KIF7: variants seen among roughly 807,000 people sequenced by gnomAD.
The protein encoded by KIF7 is kinesin-like protein KIF7.
Under a neutral mutation model 135.7 loss-of-function variants are expected in KIF7, and 104 were observed. That is an observed-to-expected ratio of 0.77 (90% confidence interval 0.65 to 0.90). KIF7 has a LOEUF of 0.90. Among genes scored for constraint, KIF7 ranks in the 40% least tolerant of loss-of-function variants. The pLI, the probability that KIF7 is intolerant of heterozygous loss-of-function variation, is 0.00. For missense variants in KIF7, 2,005 were observed against 1,839.1 expected (o/e 1.09, Z -1.65); for synonymous variants, 883 against 809.4 (o/e 1.09, Z -1.54).
At chr15:89,625,419 C>T (rs766875741), downstream of KIF7, 11 of 1,613,842 alleles carry the variant, frequency 6.8e-6, no homozygotes, top group East Asian at 2.2e-5. Context: ...CCGGGAGGGG[C>T]GAGGTCGGTG....
At chr15:89,660,657 G>T in the KIF7 span, among the ~76,000 whole-genome samples, 1 of 152,210 alleles carries the variant, frequency 6.6e-6, no homozygotes, top group East Asian at 1.9e-4. Flanking sequence ...ACAGGAGACA[G>T]AAATAAACTC....
At position 89,652,787 on chromosome 15, in the gene KIF7, A is replaced by G; in HGVS notation, c.144T>C (p.Thr48=). The G allele has an allele frequency of 6.4e-7, 1 of 1,551,438 alleles. No homozygotes were observed. The highest frequency in any genetic ancestry group is 8.7e-7 in the Non-Finnish European group (1 of 1,146,940). ...LQVEPGLGRV[T]LGRDRHFGFH... ...AGCCAAAGTGTCGGTCACGGCCCAG[A>G]GTGACGCGGCCAAGCCCTGGCTCCA... Residue 48 remains threonine, a synonymous_variant, in exon 2 of 19, where the codon ACT becomes ACC. Transcript: ENST00000394412.
intron 11 of KIF7, among the ~76,000 whole-genome samples, chr15:89,636,831 A>C (rs1242586450): frequency 6.7e-6 from 1 of 149,058 alleles, no homozygotes; most frequent in African/African-American, 2.5e-5. Context: ...AAGCGGACCT[A>C]ATAGACACCT....
intron 1 of KIF7, among the ~76,000 whole-genome samples, chr15:89,618,943 G>A (rs955940300): frequency 1.3e-5 from 2 of 152,188 alleles, no homozygotes; most frequent in African/African-American, 4.8e-5. Context: ...TAGCGACAGA[G>A]CAAGACCATG....
At chr15:89,623,072 A>T (rs1963452540), downstream of KIF7, among the ~76,000 whole-genome samples, 1 of 152,216 alleles carries the variant, frequency 6.6e-6, no homozygotes, top group East Asian at 1.9e-4. Flanking sequence ...GCTTTTCACT[A>T]CGTATTTTTG....
chr15:89,617,689 CTT>C (rs35732953), intron 2 of KIF7, among the ~76,000 whole-genome samples: 1,210 of 98,728 alleles, frequency 0.012, 6 homozygotes, highest in African/African-American at 0.022. Flanking sequence ...ACCCAGCTAT[CTT>C]TTTTTTTTTT....
At chr15:89,644,062 G>A (rs971607582) in intron 10 of KIF7, among the ~76,000 whole-genome samples, 1 of 152,066 alleles carries the variant, frequency 6.6e-6, no homozygotes, top group African/African-American at 2.4e-5. Flanking sequence ...AAAAGGGAGA[G>A]GAGGTAAAAC....
At chr15:89,642,450 G>C in intron 10 of KIF7, 45 bp from the exon 11 acceptor site, 1 of 1,501,412 alleles carries the variant, frequency 6.7e-7, no homozygotes, top group Non-Finnish European at 9.0e-7. Flanking sequence ...CTGCTCCACC[G>C]AGAGGGCCAG....
intron 1 of KIF7, chr15:89,618,269 C>G: frequency 6.7e-7 from 1 of 1,486,180 alleles, no homozygotes; most frequent in Non-Finnish European, 9.4e-7. Context: ...GAAAACCTTT[C>G]TGTATGTATT....
intron 11 of KIF7, among the ~76,000 whole-genome samples, chr15:89,638,001 C>G (rs1169146840): frequency 8.4e-6 from 1 of 119,252 alleles, no homozygotes; most frequent in South Asian, 2.9e-4. Flanking sequence ...CCCTGGGATG[C>G]AAGGCTGGTT....
intron 6 of KIF7, 61 bp downstream of exon 6, chr15:89,647,535 T>G: frequency 6.9e-7 from 1 of 1,448,510 alleles, no homozygotes; most frequent in South Asian, 1.1e-5. Context: ...GAAACTCAGC[T>G]CTGCCTTCCC....
downstream of KIF7, chr15:89,624,771 G>C (rs1287213451): frequency 1.2e-6 from 2 of 1,614,096 alleles, no homozygotes; most frequent in Admixed American, 3.3e-5. Flanking sequence ...CAGTGGAAGA[G>C]GGTGAGGGGC....
chr15:89,635,011 T>C lies in KIF7; in HGVS notation c.2395-1128A>G, dbSNP rs966708571. On this transcript the variant is annotated intron_variant, in intron 11 of 18. Transcript: ENST00000394412. ...AGGCAGACTGCCTCCTCAAGTGGGTTCCTGACCCCTGACCTCCGAGCAGCC... is the reference window on the plus strand; with the variant it reads ...AGGCAGACTGCCTCCTCAAGTGGGTCCCTGACCCCTGACCTCCGAGCAGCC... 2.2e-4 allele frequency among the ~76,000 whole-genome samples: 33 copies of C among 152,334 alleles called. No individual in the cohort carries two copies. In the East Asian group the frequency reaches 4.1e-3, roughly 19 times the overall value.
At chr15:89,626,000 GA>G (rs1270833571), downstream of KIF7, 10 of 1,611,828 alleles carry the variant, frequency 6.2e-6, no homozygotes, top group Admixed American at 1.7e-4. Flanking sequence ...TCCAGGCTCT[GA>G]CCCAGTCTCC....
Position 89,630,310 on chromosome 15 carries a change from G to A in KIF7, c.3295C>T (p.Leu1099Phe), listed in dbSNP as rs1450512577. 2 of 1,614,156 alleles carry A rather than the reference G, an allele frequency of 1.2e-6. No homozygotes were observed. The highest frequency in any genetic ancestry group is 2.2e-5 in the East Asian group (1 of 44,884). The change falls in exon 16 of 19, where the codon CTC becomes TTC. Residue 1099 changes from leucine to phenylalanine, a missense_variant. Transcript: ENST00000394412. ...SYLSSSETRA[L>F]LCKYFDKVVT... ...ACCTTGTCAAAATACTTGCAGAGGA[G>A]GGCTCTGGTCTCTGAGGATGAGAGG...
In KIF7 at chr15:89,649,213, C is replaced by T; in HGVS notation, c.684G>A (p.Arg228=). The part of the protein sequence containing the change: ...HTVFTVTLEQ[R]GRAPSRLPRP... ...GGGGTAGGCGGCTGGGGGCGCGCCCCCGCTGCTCCAGGGTCACGGTGAAGA... is the reference window on the plus strand; with the variant it reads ...GGGGTAGGCGGCTGGGGGCGCGCCCTCGCTGCTCCAGGGTCACGGTGAAGA... The change falls in exon 4 of 19, where the codon CGG becomes CGA. Residue 228 remains arginine (R), a synonymous_variant. Coordinates refer to ENST00000394412, the MANE Select transcript of KIF7 (RefSeq NM_198525.3). 6.5e-7 allele frequency: 1 copy of T among 1,546,426 alleles called. No individual in the cohort carries two copies. The highest frequency in any genetic ancestry group is 8.7e-7 in the Non-Finnish European group (1 of 1,145,688).
Position 89,649,608 on chromosome 15 carries a change from C to T in KIF7, c.529+133G>A, listed in dbSNP as rs952871867. On this transcript the variant is annotated intron_variant, in intron 3 of 18. Transcript: ENST00000394412. Reference sequence around the variant, plus strand: ...TACTGAACTCAGTGGAGGCAAGAAGCTAAAGCAAAACCTCCCAGGGCTTGG... The same window carrying T: ...TACTGAACTCAGTGGAGGCAAGAAGTTAAAGCAAAACCTCCCAGGGCTTGG... 4 of 1,102,876 alleles carry T rather than the reference C, an allele frequency of 3.6e-6. No individual in the cohort carries two copies. The African/African-American group carries it at 4.7e-5, about 13-fold the overall frequency. The allele number at this position is 1,102,876 out of a possible 1,614,324, so 68.3% of individuals were successfully genotyped here. A position where few individuals can be genotyped will look rare whatever the true frequency, so the allele number is the denominator to read the frequency against.
At chr15:89,622,133 C>G (rs1963437281) in intron 1 of KIF7, among the ~76,000 whole-genome samples, 2 of 152,016 alleles carry the variant, frequency 1.3e-5, no homozygotes, top group East Asian at 1.9e-4. Context: ...TTACAGGCAC[C>G]CACCACAACG....
chr15:89,646,639 C>G (rs1385377965), intron 7 of KIF7, among the ~76,000 whole-genome samples, 191 bp downstream of exon 7: 1 of 152,204 alleles, frequency 6.6e-6, no homozygotes, highest in Non-Finnish European at 1.5e-5. Flanking sequence ...GCACTGCACC[C>G]TTCTGAGAGG....
Sources: gnomAD v4.1 joint callset for allele counts (sites outside exome capture counted in the v4.1 genomes callset) on GRCh38, gnomAD v4.1.1 for gene constraint, MANE v1.5 for transcripts, NCBI Gene and HGNC (gene_info 2026-07-23, HGNC 2026-07-21) for gene names.